The following WDR41 variants were observed in gnomAD, a reference collection of about 807,000 sequenced individuals.
The protein encoded by WDR41 is WD repeat domain 41.
WDR41 carries 63 observed loss-of-function variants against 69.3 expected under a neutral mutation model. The ratio of observed to expected loss-of-function variants is 0.91; its 90% CI spans 0.74 to 1.12. WDR41 has a LOEUF of 1.12. Among genes scored for constraint, WDR41 ranks in the 50% most tolerant of loss-of-function variants. The pLI is 0.00. For missense variants in WDR41, 543 were observed against 534.5 expected (o/e 1.02, Z -0.16); for synonymous variants, 185 against 192.1 (o/e 0.96, Z 0.31).
chr5:77,611,198 T>A (rs796865780), intron 1 of WDR41, among the ~76,000 whole-genome samples: 22 of 151,762 alleles, frequency 1.4e-4, no homozygotes, highest in African/African-American at 9.7e-5. Flanking sequence ...CTCCCACACA[T>A]TAATAATGGG....
intron 1 of WDR41, among the ~76,000 whole-genome samples, chr5:77,518,036 A>G (rs900737919): frequency 6.6e-6 from 1 of 152,122 alleles, no homozygotes; most frequent in Admixed American, 6.6e-5. Context: ...CTCCCTCAAA[A>G]AAAAGTGTTG....
At chr5:77,593,864 ACAG>A (rs1335118691) in intron 1 of WDR41, among the ~76,000 whole-genome samples, 1 of 152,162 alleles carries the variant, frequency 6.6e-6, no homozygotes. Context: ...TGGCATTCAA[ACAG>A]ACAATTAGAG....
chr5:77,465,817 G>A (rs1229282207), intron 2 of WDR41, among the ~76,000 whole-genome samples: 2 of 151,240 alleles, frequency 1.3e-5, no homozygotes, highest in Non-Finnish European at 3.0e-5. Flanking sequence ...CAGATGCTAT[G>A]TGAGCATCTG....
At chr5:77,530,338 T>C (rs1473960711) in intron 1 of WDR41, among the ~76,000 whole-genome samples, 1 of 151,638 alleles carries the variant, frequency 6.6e-6, no homozygotes, top group East Asian at 1.9e-4. Context: ...GATTGCATCT[T>C]TATTAATAAG....
intron 12 of WDR41, among the ~76,000 whole-genome samples, chr5:77,435,884 G>A (rs930043738): frequency 3.9e-5 from 6 of 152,154 alleles, no homozygotes; most frequent in Non-Finnish European, 8.8e-5. Context: ...ATTTGATAAA[G>A]GCCCCTGGAA....
Position 77,433,255 on chromosome 5 carries a change from C to T in WDR41, c.1260G>A (p.Val420=). The change falls in exon 13 of 13, where the codon GTG becomes GTA. Residue 420 remains valine, a synonymous_variant. Transcript: ENST00000296679. ...MFLYFEDHGL[V]TCSADHLIIL... The stretch of plus-strand genomic sequence containing the variant: ...TAATGAGATGATCAGCGGAGCACGT[C>T]ACTAGTCCATGATCTTCAAAGTATA... 1 of 1,613,770 alleles carries T rather than the reference C, an allele frequency of 6.2e-7. No individual in the cohort carries two copies. The highest frequency in any genetic ancestry group is 2.2e-5 in the East Asian group (1 of 44,858).
intron 1 of WDR41, among the ~76,000 whole-genome samples, chr5:77,594,873 T>C (rs1482765318): frequency 6.6e-6 from 1 of 152,224 alleles, no homozygotes. Context: ...ATACACTTTA[T>C]AAATGCATTT....
chr5:77,588,990 A>G (rs11950456), intron 1 of WDR41, among the ~76,000 whole-genome samples: 10,446 of 152,216 alleles, frequency 0.069, 475 homozygotes, highest in Admixed American at 0.14. Flanking sequence ...ATCATCAACA[A>G]GAAGCACAAA....
intron 1 of WDR41, among the ~76,000 whole-genome samples, chr5:77,514,201 C>CA (rs570497439): frequency 8.9e-4 from 135 of 151,460 alleles, no homozygotes; most frequent in Non-Finnish European, 1.6e-3. Context: ...TCCTACCAGT[C>CA]TTTTTTTTTC....
intron 1 of WDR41, among the ~76,000 whole-genome samples, chr5:77,520,862 G>T (rs1802359887): frequency 6.6e-6 from 1 of 152,114 alleles, no homozygotes; most frequent in Non-Finnish European, 1.5e-5. Flanking sequence ...CGAAAACTAG[G>T]TTTGATAATG....
At position 77,574,165 on chromosome 5, in the gene WDR41, G is replaced by A. The variant is rs184489180; in HGVS notation, c.42+46314C>T. Among the ~76,000 whole-genome samples the A allele has an allele frequency of 4.1e-3, 622 of 152,180 alleles. 3 individuals carry two copies. The highest frequency in any genetic ancestry group is 6.2e-3 in the Non-Finnish European group (421 of 68,004). ...ATACAAAAATTAGCCAGGTATGGTG[G>A]CACGTTCCTGTAATCCCAGCTACTC... On this transcript the variant is annotated intron_variant, in intron 1 of 5. Transcript: ENST00000509971.
At chr5:77,600,854 T>C (rs111293915) in intron 1 of WDR41, among the ~76,000 whole-genome samples, 9 of 151,720 alleles carry the variant, frequency 5.9e-5, no homozygotes, top group Admixed American at 2.0e-4. Context: ...CACTCCAGCC[T>C]GGATGGCAAA....
intron 1 of WDR41, among the ~76,000 whole-genome samples, chr5:77,542,068 C>T (rs966869944): frequency 2.0e-5 from 3 of 152,218 alleles, no homozygotes; most frequent in African/African-American, 7.2e-5. Context: ...GGTATATATA[C>T]ATCATGGAAT....
intron 1 of WDR41, among the ~76,000 whole-genome samples, chr5:77,508,315 T>C (rs1014361688): frequency 1.3e-5 from 2 of 152,100 alleles, no homozygotes; most frequent in African/African-American, 2.4e-5. Context: ...GTTTCTCCAT[T>C]GTTGCCCAGA....
chr5:77,551,171 G>A (rs139288625), intron 1 of WDR41, among the ~76,000 whole-genome samples: 6 of 152,124 alleles, frequency 3.9e-5, no homozygotes, highest in East Asian at 3.9e-4. Flanking sequence ...ATGTACTCAC[G>A]TAACAATCCT....
intron 1 of WDR41, among the ~76,000 whole-genome samples, chr5:77,548,999 T>C (rs1234364732): frequency 6.6e-6 from 1 of 152,174 alleles, no homozygotes; most frequent in Non-Finnish European, 1.5e-5. Flanking sequence ...TGGATGAGAT[T>C]GGAGACTATT....
chr5:77,473,163 T>C (rs1052328061), intron 2 of WDR41, among the ~76,000 whole-genome samples: 6 of 152,186 alleles, frequency 3.9e-5, no homozygotes, highest in African/African-American at 1.4e-4. Context: ...ATCTGATCTT[T>C]GACAAACCTG....
chr5:77,463,246 G>T lies in WDR41; in HGVS notation c.217-20C>A. 6.3e-7 allele frequency: 1 copy of T among 1,595,854 alleles called. No homozygotes were observed. The highest frequency in any genetic ancestry group is 1.8e-5 in the Admixed American group (1 of 55,426). Reference sequence around the variant, plus strand: ...CCCTGTCTGAAATACCAATAAAAATGTTAATAGGCTTAGCTTTCACAATTT... The same window carrying T: ...CCCTGTCTGAAATACCAATAAAAATTTTAATAGGCTTAGCTTTCACAATTT... On this transcript the variant is annotated intron_variant, in intron 3 of 12. Coordinates refer to ENST00000296679, the MANE Select transcript of WDR41 (RefSeq NM_018268.4).
chr5:77,585,965 T>C lies in WDR41; in HGVS notation c.42+34514A>G, dbSNP rs189949358. On this transcript the variant is annotated intron_variant, in intron 1 of 5. Transcript: ENST00000509971. ...ATACCACCTGTACCCCAATAACTTA[T>C]GGAAAAAATACATATAGTTTACTCT... Among the ~76,000 whole-genome samples the C allele has an allele frequency of 3.2e-3, 494 of 152,266 alleles. 3 individuals are homozygous for C. The highest frequency in any genetic ancestry group is 0.011 in the African/African-American group (476 of 41,544).
Sources: gnomAD v4.1 joint callset for allele counts (sites outside exome capture counted in the v4.1 genomes callset) on GRCh38, gnomAD v4.1.1 for gene constraint, MANE v1.5 for transcripts, NCBI Gene and HGNC (gene_info 2026-07-23, HGNC 2026-07-21) for gene names.